Variants in ODAD2 observed in about 807,000 individuals in gnomAD.
ODAD2 encodes the protein outer dynein arm-docking complex subunit 2.
In ODAD2, 89 loss-of-function variants were observed where a neutral mutation model predicts 106.8. That is an observed-to-expected ratio of 0.83 (90% CI 0.70 to 0.99). The LOEUF (loss-of-function observed/expected upper bound fraction) is 0.99. Among genes scored for constraint, ODAD2 ranks in the 50% least tolerant of loss-of-function variants. The pLI is 0.00. For missense variants in ODAD2, 1,168 were observed against 1,238.5 expected (o/e 0.94, Z 0.85); for synonymous variants, 404 against 436.2 (o/e 0.93, Z 0.92).
intron 19 of ODAD2, among the ~76,000 whole-genome samples, chr10:27,815,284 CTAA>C (rs1319951502): frequency 6.6e-6 from 1 of 152,214 alleles, no homozygotes; most frequent in African/African-American, 2.4e-5. Context: ...CTCTTCCTTT[CTAA>C]TGATTCCATT....
In ODAD2 at chr10:27,985,139, T is replaced by C. The variant is rs1265043550; in HGVS notation, c.455A>G (p.Asn152Ser). Residue 152 changes from asparagine to serine, a missense_variant, in exon 4 of 20, where the codon AAT becomes AGT. Physicochemically the swap from Asn to Ser is conservative, Grantham distance 46. Around this residue, in one of 3 missense-constraint regions of ODAD2, gnomAD observed 430 missense variants for 452.2 expected, o/e 0.95. Coordinates refer to ENST00000305242, the MANE Select transcript of ODAD2 (RefSeq NM_018076.5). Reference sequence around the variant, plus strand: ...ATCTCTGGTAATTTTGCCAAGAATATTTAATGCAATTGAGTTTTCTTTCAT... The same window carrying C: ...ATCTCTGGTAATTTTGCCAAGAATACTTAATGCAATTGAGTTTTCTTTCAT... ...NTMKENSIAL[N>S]ILGKITRDDD... 6.3e-7 allele frequency: 1 copy of C among 1,597,066 alleles called. No homozygotes were observed. The highest frequency in any genetic ancestry group is 1.7e-5 in the Admixed American group (1 of 58,756).
intron 17 of ODAD2, among the ~76,000 whole-genome samples, chr10:27,878,127 T>G (rs1372875286): frequency 2.6e-5 from 4 of 152,114 alleles, no homozygotes; most frequent in Non-Finnish European, 5.9e-5. Flanking sequence ...ATGAAGTTAT[T>G]TTACCAAGAT....
At chr10:27,934,540 C>A (rs1334983363) in intron 16 of ODAD2, among the ~76,000 whole-genome samples, 1 of 150,886 alleles carries the variant, frequency 6.6e-6, no homozygotes, top group African/African-American at 2.4e-5. Context: ...TCTTTTCTTC[C>A]TAATTAGACA....
At chr10:27,998,108 A>C (rs999599020) in intron 1 of ODAD2, among the ~76,000 whole-genome samples, 2 of 152,204 alleles carry the variant, frequency 1.3e-5, no homozygotes, top group Non-Finnish European at 2.9e-5. Context: ...ACTTAAACAG[A>C]AGCACAACCG....
intron 2 of ODAD2, among the ~76,000 whole-genome samples, 195 bp from the exon 3 acceptor site, chr10:27,987,738 AAGCCT>A (rs1849965147): frequency 2.0e-5 from 3 of 151,946 alleles, no homozygotes; most frequent in Non-Finnish European, 4.4e-5. Context: ...ACTTACCAGC[AAGCCT>A]AGTGACCAAT....
At chr10:27,842,391 G>C (rs574978958) in intron 19 of ODAD2, among the ~76,000 whole-genome samples, 1 of 152,164 alleles carries the variant, frequency 6.6e-6, no homozygotes, top group African/African-American at 2.4e-5. Flanking sequence ...TCATTTTCTG[G>C]ATAGACACTA....
At chr10:27,868,560 C>A (rs1038247598) in intron 17 of ODAD2, among the ~76,000 whole-genome samples, 1 of 152,088 alleles carries the variant, frequency 6.6e-6, no homozygotes, top group African/African-American at 2.4e-5. Flanking sequence ...AAGCCATCAT[C>A]CTCAGCGAAC....
At chr10:27,941,598 T>TTTTTTTG (rs1564529032) in intron 12 of ODAD2, among the ~76,000 whole-genome samples, 1 of 142,424 alleles carries the variant, frequency 7.0e-6, no homozygotes, top group Non-Finnish European at 1.5e-5. Context: ...AGCATCCAGT[T>TTTTTTTG]TTTTTTTTTT....
intron 3 of ODAD2, among the ~76,000 whole-genome samples, chr10:27,985,452 T>C (rs1447442644): frequency 6.6e-6 from 1 of 152,236 alleles, no homozygotes; most frequent in Admixed American, 6.5e-5. Context: ...ATCTCCCTAA[T>C]AGCACAAAGA....
intron 17 of ODAD2, among the ~76,000 whole-genome samples, chr10:27,869,632 T>A (rs1369824422): frequency 6.6e-6 from 1 of 151,886 alleles, no homozygotes; most frequent in African/African-American, 2.4e-5. Context: ...CCCCCTAGGT[T>A]CAAATGATTC....
intron 16 of ODAD2, among the ~76,000 whole-genome samples, chr10:27,929,542 G>C (rs1845472029): frequency 6.6e-6 from 1 of 152,082 alleles, no homozygotes; most frequent in South Asian, 2.1e-4. Flanking sequence ...TTTAGCCATA[G>C]TTTTACTATT....
intron 17 of ODAD2, among the ~76,000 whole-genome samples, chr10:27,903,251 C>T (rs189988029): frequency 6.6e-6 from 1 of 152,260 alleles, no homozygotes; most frequent in East Asian, 1.9e-4. Flanking sequence ...ATTCAACACT[C>T]ATTCATGCTA....
In ODAD2 at chr10:27,907,701, C is replaced by T. The variant is rs200363248; in HGVS notation, c.2572G>A (p.Ala858Thr). ...ATGCATGGACAGAGTGCCCATGCTG[C>T]GCTGGCCTTCACGTCTGGGTGAGGA... The part of the protein sequence containing the change: ...KNPHPDVKAS[A>T]AWALCPCIKN... The change falls in exon 17 of 20, where the codon GCA becomes ACA. Residue 858 changes from alanine to threonine, a missense_variant. Around this residue, in one of 3 missense-constraint regions of ODAD2, gnomAD observed 701 missense variants for 712.3 expected, o/e 0.98. Transcript: ENST00000305242. The T allele has an allele frequency of 1.2e-4, 199 of 1,613,832 alleles. 1 individual carries two copies. In the East Asian group the frequency reaches 1.6e-3, roughly 13 times the overall value.
At chr10:27,930,963 G>A (rs1845577367) in intron 16 of ODAD2, among the ~76,000 whole-genome samples, 1 of 152,158 alleles carries the variant, frequency 6.6e-6, no homozygotes, top group Admixed American at 6.5e-5. Flanking sequence ...TCTACGAAAT[G>A]GCTGGAAGGC....
chr10:27,909,296 G>A (rs967764905), intron 16 of ODAD2, among the ~76,000 whole-genome samples: 7 of 151,884 alleles, frequency 4.6e-5, no homozygotes. Flanking sequence ...GAAGTCATTT[G>A]GATGGCACAA....
rs752140248 is a variant in ODAD2, at chr10:27,939,923, C to T, written c.2071G>A (p.Glu691Lys). The change falls in exon 14 of 20, where the codon GAG (glutamate) becomes AAG (lysine). Residue 691 changes from glutamate to lysine, a missense_variant. Around this residue, in one of 3 missense-constraint regions of ODAD2, gnomAD observed 701 missense variants for 712.3 expected, o/e 0.98. Transcript: ENST00000305242. Reference sequence around the variant, plus strand: ...TGGTAAATGGCCATGGCGCAGTGCTCCTGCAGCTGCTCATTCTCACTATTT... The same window carrying T: ...TGGTAAATGGCCATGGCGCAGTGCTTCTGCAGCTGCTCATTCTCACTATTT... ...NLNSENEQLQEHCAMAIYQCA... is the reference protein window; with the variant it reads ...NLNSENEQLQKHCAMAIYQCA... 3.3e-5 allele frequency: 53 copies of T among 1,609,928 alleles called. 3 individuals are homozygous for T. The South Asian group carries it at 5.7e-4, about 17-fold the overall frequency.
At position 27,882,229 on chromosome 10, in the gene ODAD2, G is replaced by GAAAGAAAGAAAGAA. The variant is rs1554799128; in HGVS notation, c.2611-19608_2611-19607insTTCTTTCTTTCTTT. Among the ~76,000 whole-genome samples, 4 of 149,362 alleles carry GAAAGAAAGAAAGAA rather than the reference G, an allele frequency of 2.7e-5. No homozygotes were observed. In the South Asian group the frequency reaches 8.5e-4, roughly 32 times the overall value. ...AGAAAGAAAGAAAGAAAGAAAGAAAGAAAGAAATATGAACTCTCTGATCTC... is the reference window on the plus strand; with the variant it reads ...AGAAAGAAAGAAAGAAAGAAAGAAAGAAAGAAAGAAAGAAAAAGAAATATGAACTCTCTGATCTC... On this transcript the variant is annotated intron_variant, in intron 17 of 19. Transcript: ENST00000305242.
At chr10:27,946,407 A>T in intron 10 of ODAD2, among the ~76,000 whole-genome samples, 1 of 151,860 alleles carries the variant, frequency 6.6e-6, no homozygotes, top group Non-Finnish European at 1.5e-5. Context: ...TTTATATATA[A>T]TAGTTGTACA....
At position 27,975,227 on chromosome 10, in the gene ODAD2, T is replaced by C. The variant is rs375534660; in HGVS notation, c.937-3914A>G. Among the ~76,000 whole-genome samples, 14 of 152,256 alleles carry C rather than the reference T, an allele frequency of 9.2e-5. No individual in the cohort carries two copies. In the East Asian group the frequency reaches 2.3e-3, roughly 25 times the overall value. ...CTCAAAATTTCTTCAAACACAAACA[T>C]GACTAGATTAAATTAAACGTATTGT... On this transcript the variant is annotated intron_variant, in intron 7 of 19. Coordinates refer to ENST00000305242, the MANE Select transcript of ODAD2 (RefSeq NM_018076.5).
Sources: allele counts gnomAD v4.1 joint callset (sites outside exome capture counted in the v4.1 genomes callset), GRCh38; gene constraint gnomAD v4.1.1; regional missense constraint gnomAD v4.1.1; transcripts MANE v1.5; gene names NCBI Gene and HGNC (gene_info 2026-07-23, HGNC 2026-07-21).